The following CSMD1 variants were observed in gnomAD, a reference collection of about 807,000 sequenced individuals.
CSMD1 encodes CUB and sushi domain-containing protein 1.
A neutral mutation model predicts 417.5 loss-of-function variants in CSMD1; 213 were observed. The observed-to-expected ratio is 0.51, with a 90% CI of 0.46 to 0.57. The LOEUF is 0.57. Ranked by LOEUF, CSMD1 falls within the 20% of genes least tolerant of loss-of-function variation. The pLI, the probability that CSMD1 is intolerant of heterozygous loss-of-function variation, is 0.00. For synonymous variants in CSMD1, 2,862 were observed against 1,736.8 expected, an observed-to-expected ratio of 1.65 and a Z score of -16.11; for missense variants, 6,923 against 4,529.7, an observed-to-expected ratio of 1.53 and a Z score of -15.17.
intron 3 of CSMD1, among the ~76,000 whole-genome samples, chr8:4,078,145 G>C (rs1192892979): frequency 1.3e-5 from 2 of 151,996 alleles, no homozygotes; most frequent in South Asian, 4.2e-4. Flanking sequence ...TTTAAAATCA[G>C]CTTACAAATT....
At chr8:4,519,198 G>A (rs956271573) in intron 2 of CSMD1, among the ~76,000 whole-genome samples, 1 of 152,040 alleles carries the variant, frequency 6.6e-6, no homozygotes, top group Non-Finnish European at 1.5e-5. Context: ...TAAATTACTA[G>A]ATCTTTGAAG....
chr8:3,634,435 C>T (rs1323710155), intron 7 of CSMD1, among the ~76,000 whole-genome samples: 1 of 152,192 alleles, frequency 6.6e-6, no homozygotes, highest in Non-Finnish European at 1.5e-5. Flanking sequence ...GGTCACACGT[C>T]ATTCCTGGGA....
At chr8:4,479,347 C>T (rs1800966315) in intron 2 of CSMD1, among the ~76,000 whole-genome samples, 2 of 152,244 alleles carry the variant, frequency 1.3e-5, no homozygotes, top group East Asian at 1.9e-4. Flanking sequence ...AACAGCTGCA[C>T]TTTACCACAT....
At chr8:4,952,248 T>C (rs1236576761) in intron 1 of CSMD1, among the ~76,000 whole-genome samples, 2 of 152,012 alleles carry the variant, frequency 1.3e-5, no homozygotes, top group Non-Finnish European at 2.9e-5. Flanking sequence ...TGGATTTTTT[T>C]CTATAAGATA....
intron 3 of CSMD1, among the ~76,000 whole-genome samples, chr8:4,235,740 A>G (rs1247614740): frequency 6.6e-6 from 1 of 152,178 alleles, no homozygotes; most frequent in African/African-American, 2.4e-5. Context: ...TGCAAGTGTA[A>G]TGAGGAAAAA....
intron 5 of CSMD1, among the ~76,000 whole-genome samples, chr8:3,804,320 G>C (rs976794346): frequency 1.3e-5 from 2 of 152,110 alleles, no homozygotes; most frequent in African/African-American, 4.8e-5. Flanking sequence ...GCTGAGACCA[G>C]TTGAAACTCT....
chr8:3,081,963 C>T, intron 49 of CSMD1, among the ~76,000 whole-genome samples: 1 of 152,172 alleles, frequency 6.6e-6, no homozygotes, highest in East Asian at 1.9e-4. Context: ...CTTCCTTTCC[C>T]TCACATGGTC....
In CSMD1 at chr8:3,083,773, T is replaced by TCTCAGC. The variant is rs1814320936; in HGVS notation, c.7474+3318_7474+3323dup. On this transcript the variant is annotated intron_variant, in intron 49 of 69. Transcript: ENST00000635120. Reference sequence around the variant, plus strand: ...TGCCTGGGCTCAAGTCATCCCTCCATCTCAGCCTCCCAAGCAGCTGGGACT... The same window carrying TCTCAGC: ...TGCCTGGGCTCAAGTCATCCCTCCATCTCAGCCTCAGCCTCCCAAGCAGCTGGGACT... 2.1e-5 allele frequency among the ~76,000 whole-genome samples: 3 copies of TCTCAGC among 144,890 alleles called. No homozygotes were observed. In the Admixed American group the frequency reaches 2.1e-4, roughly 10 times the overall value.
chr8:3,384,988 A>G (rs1378743849), intron 18 of CSMD1, among the ~76,000 whole-genome samples: 1 of 112,894 alleles, frequency 8.9e-6, no homozygotes, highest in Non-Finnish European at 1.6e-5. Context: ...AGCATATATA[A>G]TACATATGCT....
At chr8:3,013,249 T>G (rs79265681) in intron 52 of CSMD1, among the ~76,000 whole-genome samples, 3 of 152,078 alleles carry the variant, frequency 2.0e-5, no homozygotes, top group South Asian at 2.1e-4. Context: ...AATTTTATGT[T>G]TGTTTCTTTT....
chr8:3,319,722 A>G (rs958893769), intron 23 of CSMD1, among the ~76,000 whole-genome samples: 1 of 152,166 alleles, frequency 6.6e-6, no homozygotes, highest in African/African-American at 2.4e-5. Context: ...ATTGATAAAA[A>G]TGGTAAGAAA....
intron 1 of CSMD1, among the ~76,000 whole-genome samples, chr8:4,815,694 C>CAAAA (rs1218931391): frequency 1.8e-3 from 120 of 67,334 alleles, no homozygotes; most frequent in African/African-American, 3.0e-3. Context: ...AAAGCTGTCT[C>CAAAA]AAAAAAAAAA....
intron 46 of CSMD1, among the ~76,000 whole-genome samples, chr8:3,102,920 T>A (rs1815863263): frequency 6.6e-6 from 1 of 152,170 alleles, no homozygotes; most frequent in African/African-American, 2.4e-5. Context: ...ACGAGTTTTA[T>A]TAGCGGTCTG....
At chr8:4,192,755 CA>C (rs1799103919) in intron 3 of CSMD1, among the ~76,000 whole-genome samples, 1 of 152,216 alleles carries the variant, frequency 6.6e-6, no homozygotes. Context: ...TGACTTCTAT[CA>C]TTTCCATTTT....
At chr8:4,038,214 T>G (rs1017683144) in intron 3 of CSMD1, among the ~76,000 whole-genome samples, 6 of 152,244 alleles carry the variant, frequency 3.9e-5, no homozygotes, top group Admixed American at 3.9e-4. Context: ...TTTTAAAAAG[T>G]TTTTGTAAAA....
intron 36 of CSMD1, among the ~76,000 whole-genome samples, chr8:3,183,711 T>C (rs1017166114): frequency 1.3e-5 from 2 of 152,208 alleles, no homozygotes; most frequent in Non-Finnish European, 2.9e-5. Flanking sequence ...TGTTTCTTAA[T>C]ACCATTGGCA....
At chr8:4,477,192 C>T (rs1377550654) in intron 2 of CSMD1, among the ~76,000 whole-genome samples, 1 of 152,208 alleles carries the variant, frequency 6.6e-6, no homozygotes, top group African/African-American at 2.4e-5. Context: ...CAGACACCTC[C>T]AGCTGAGCCC....
In CSMD1 at chr8:2,938,355, G is replaced by C. The variant is rs1801638250; in HGVS notation, c.*230C>G. ...TGTGCCTTGATTTCATACAGATGCA[G>C]CCAGGCATTTAGAACCCACTTTTGG... On this transcript the variant is annotated 3_prime_UTR_variant, in exon 70 of 70. Coordinates refer to ENST00000635120, the MANE Select transcript of CSMD1 (RefSeq NM_033225.6). 2.2e-6 allele frequency: 1 copy of C among 462,002 alleles called. No homozygotes were observed. The highest frequency in any genetic ancestry group is 2.0e-5 in the African/African-American group (1 of 50,256). The allele number at this position is 462,002 out of a possible 1,614,324, so 28.6% of individuals were successfully genotyped here. A position where few individuals can be genotyped will look rare whatever the true frequency, so the allele number is the denominator to read the frequency against.
chr8:3,955,158 G>A (rs1811856369), intron 5 of CSMD1, among the ~76,000 whole-genome samples: 2 of 152,164 alleles, frequency 1.3e-5, no homozygotes, highest in Admixed American at 6.5e-5. Flanking sequence ...CAGAAGCACT[G>A]ACTGTCCTCC....
Sources: gnomAD v4.1 joint callset for allele counts (sites outside exome capture counted in the v4.1 genomes callset) on GRCh38, gnomAD v4.1.1 for gene constraint, MANE v1.5 for transcripts, NCBI Gene and HGNC (gene_info 2026-07-23, HGNC 2026-07-21) for gene names.